Variants in CSMD1 observed in about 807,000 individuals in gnomAD.
CSMD1 encodes CUB and Sushi multiple domains 1, also known as CUB and sushi domain-containing protein 1.
Under a neutral mutation model 417.5 loss-of-function variants are expected in CSMD1, and 213 were observed. The ratio of observed to expected loss-of-function variants is 0.51; its 90% CI spans 0.46 to 0.57. The LOEUF (loss-of-function observed/expected upper bound fraction) is 0.57, where lower values mean the gene tolerates loss of function less well. CSMD1 is among the 20% of genes least tolerant of loss of function. The pLI is 0.00. For missense variants in CSMD1, 6,923 were observed against 4,529.7 expected, an observed-to-expected ratio of 1.53 and a Z score of -15.17; for synonymous variants, 2,862 against 1,736.8, an observed-to-expected ratio of 1.65 and a Z score of -16.11.
At chr8:3,655,659 G>T (rs968879569) in intron 7 of CSMD1, among the ~76,000 whole-genome samples, 1 of 139,558 alleles carries the variant, frequency 7.2e-6, no homozygotes, top group Non-Finnish European at 1.5e-5. Flanking sequence ...TGGAGGTTGC[G>T]TTTTTTTTTT....
intron 5 of CSMD1, among the ~76,000 whole-genome samples, chr8:3,855,261 A>C (rs1804214130): frequency 6.6e-6 from 1 of 152,216 alleles, no homozygotes; most frequent in Admixed American, 6.5e-5. Flanking sequence ...GATTTTTACT[A>C]TATTGCATAC....
intron 57 of CSMD1, 96 bp downstream of exon 57, chr8:2,973,021 A>G (rs979234212): frequency 4.1e-6 from 5 of 1,205,088 alleles, no homozygotes; most frequent in Non-Finnish European, 5.8e-6. Flanking sequence ...AAATAGTACA[A>G]ACCTCTAGAA....
intron 26 of CSMD1, among the ~76,000 whole-genome samples, chr8:3,248,148 T>A (rs548170306): frequency 7.3e-4 from 111 of 151,796 alleles, no homozygotes; most frequent in African/African-American, 2.6e-3. Flanking sequence ...GGCAAAATAG[T>A]GAGATGTAGC....
At chr8:3,464,011 C>A (rs372918671) in intron 12 of CSMD1, among the ~76,000 whole-genome samples, 2 of 152,274 alleles carry the variant, frequency 1.3e-5, no homozygotes, top group East Asian at 3.9e-4. Flanking sequence ...AATGGTGATG[C>A]TGAAGTCAAA....
chr8:3,877,010 T>G (rs1380635320), intron 5 of CSMD1, among the ~76,000 whole-genome samples: 1 of 152,362 alleles, frequency 6.6e-6, no homozygotes, highest in African/African-American at 2.4e-5. Context: ...TACTTTCATA[T>G]GAAATGTGAG....
chr8:4,931,950 A>G (rs768386670), intron 1 of CSMD1, among the ~76,000 whole-genome samples: 9 of 152,250 alleles, frequency 5.9e-5, no homozygotes, highest in Non-Finnish European at 1.3e-4. Flanking sequence ...ATTCTTGTGT[A>G]ACATGTATTA....
At chr8:4,316,420 A>G (rs531346969) in intron 3 of CSMD1, among the ~76,000 whole-genome samples, 2 of 152,312 alleles carry the variant, frequency 1.3e-5, no homozygotes, top group East Asian at 1.9e-4. Flanking sequence ...ATTTCTTCAT[A>G]TATTAGGTTG....
intron 26 of CSMD1, among the ~76,000 whole-genome samples, chr8:3,237,948 T>C (rs1013676034): frequency 6.8e-6 from 1 of 147,986 alleles, no homozygotes; most frequent in Non-Finnish European, 1.5e-5. Context: ...CTATATATTA[T>C]ATATTTATTT....
At chr8:4,097,281 C>G (rs376245323) in intron 3 of CSMD1, among the ~76,000 whole-genome samples, 1 of 152,098 alleles carries the variant, frequency 6.6e-6, no homozygotes. Flanking sequence ...ACAGTCTAAG[C>G]TCTGTCTTAT....
chr8:4,898,139 G>C lies in CSMD1; in HGVS notation c.85+96193C>G, dbSNP rs572692565. Among the ~76,000 whole-genome samples the C allele has an allele frequency of 9.7e-4, 148 of 152,204 alleles. 1 individual carries two copies. Among genetic ancestry groups the C allele is most frequent in the African/African-American group, 3.4e-3 (139 of 41,488 alleles). On this transcript the variant is annotated intron_variant, in intron 1 of 69. Coordinates refer to ENST00000635120, the MANE Select transcript of CSMD1 (RefSeq NM_033225.6). ...AAATAAATATTGCCCATATATATGTGTATATCCTCTGCCTTCTGATATTTG... is the reference window on the plus strand; with the variant it reads ...AAATAAATATTGCCCATATATATGTCTATATCCTCTGCCTTCTGATATTTG...
chr8:4,287,010 C>T (rs530073026), intron 3 of CSMD1, among the ~76,000 whole-genome samples: 1 of 152,248 alleles, frequency 6.6e-6, no homozygotes, highest in East Asian at 1.9e-4. Flanking sequence ...GGCTAAGTTT[C>T]ACTTGAAAAA....
rs1014515123 is a variant in CSMD1, at chr8:4,873,406, G to A, written c.85+120926C>T. Among the ~76,000 whole-genome samples the A allele has an allele frequency of 3.3e-5, 5 of 152,202 alleles. No individual in the cohort carries two copies. The South Asian group carries it at 8.3e-4, about 25-fold the overall frequency. ...GGAGAGACTCCCGGACACTCAGCAG[G>A]AAATCAACTAAGACTCTAGAATCTA... is the stretch of plus-strand genomic sequence containing the variant. On this transcript the variant is annotated intron_variant, in intron 1 of 69. Transcript: ENST00000635120.
chr8:3,437,520 C>G (rs143100959), intron 12 of CSMD1, among the ~76,000 whole-genome samples: 3 of 152,140 alleles, frequency 2.0e-5, no homozygotes, highest in Non-Finnish European at 2.9e-5. Flanking sequence ...CAGCCCTGCT[C>G]AAAGAAACTT....
chr8:4,895,961 CT>C (rs1353478851), intron 1 of CSMD1, among the ~76,000 whole-genome samples: 1 of 151,906 alleles, frequency 6.6e-6, no homozygotes, highest in Non-Finnish European at 1.5e-5. Context: ...ATTTTCAGAC[CT>C]AATTTTCAAT....
At chr8:4,560,226 TG>T (rs1798269309) in intron 2 of CSMD1, among the ~76,000 whole-genome samples, 2 of 152,232 alleles carry the variant, frequency 1.3e-5, no homozygotes, top group Admixed American at 1.3e-4. Flanking sequence ...TAAGAAGCCA[TG>T]TTTGCTCATT....
At chr8:4,182,836 T>C (rs766680301) in intron 3 of CSMD1, among the ~76,000 whole-genome samples, 30 of 152,234 alleles carry the variant, frequency 2.0e-4, no homozygotes, top group Admixed American at 1.9e-3. Flanking sequence ...AGGGTCATTC[T>C]AATTATTGAG....
At chr8:4,610,906 G>T (rs1207326165) in intron 2 of CSMD1, among the ~76,000 whole-genome samples, 1 of 152,082 alleles carries the variant, frequency 6.6e-6, no homozygotes, top group Non-Finnish European at 1.5e-5. Flanking sequence ...TTGTCCATGA[G>T]GAGTTATAAT....
In CSMD1 at chr8:3,223,845, C is replaced by G. The variant is rs372578300; in HGVS notation, c.4368G>C (p.Thr1456=). Residue 1456 remains threonine, a synonymous_variant, in exon 28 of 70, where the codon ACG becomes ACC. Coordinates refer to ENST00000635120, the MANE Select transcript of CSMD1 (RefSeq NM_033225.6). ...GTGACAAAATAACACCTGCTGGGCC[C>G]GTCAGATTCCCTCCACAAGCAGCTG... The part of the protein sequence containing the change: ...TCIAACGGNL[T]GPAGVILSPN... The G allele has an allele frequency of 3.1e-6, 5 of 1,613,710 alleles. No individual in the cohort carries two copies. The highest frequency in any genetic ancestry group is 4.2e-6 in the Non-Finnish European group (5 of 1,179,782).
intron 26 of CSMD1, among the ~76,000 whole-genome samples, chr8:3,239,388 G>A (rs1799353166): frequency 6.6e-6 from 1 of 152,122 alleles, no homozygotes; most frequent in African/African-American, 2.4e-5. Context: ...ATGTCTGACA[G>A]AAGGGAAGAA....
Sources: gnomAD v4.1 joint callset for allele counts (sites outside exome capture counted in the v4.1 genomes callset) on GRCh38, gnomAD v4.1.1 for gene constraint, MANE v1.5 for transcripts, NCBI Gene and HGNC (gene_info 2026-07-23, HGNC 2026-07-21) for gene names.